The following SHANK2 variants were observed in gnomAD, a reference collection of about 807,000 sequenced individuals.
The protein encoded by SHANK2 is SH3 and multiple ankyrin repeat domains protein 2.
SHANK2 carries 43 observed loss-of-function variants against 133.7 expected under a neutral mutation model. That is an observed-to-expected ratio of 0.32 (90% CI 0.25 to 0.41). The LOEUF (loss-of-function observed/expected upper bound fraction) is 0.41. SHANK2 is among the 10% of genes least tolerant of loss of function. The probability of loss-of-function intolerance (pLI) is 1.00; values close to 1 mark genes in which losing one functional copy is unlikely to be tolerated. For synonymous variants in SHANK2, 1,017 were observed against 952.8 expected (o/e 1.07, Z -1.24); for missense variants, 1,994 against 2,235.8 (o/e 0.89, Z 2.18).
At chr11:70,506,596 G>A (rs1554968440) in intron 17 of SHANK2, among the ~76,000 whole-genome samples, 1 of 152,214 alleles carries the variant, frequency 6.6e-6, no homozygotes. Context: ...GTCTCGCCCA[G>A]GTCTTTCGGG....
intron 1 of SHANK2, among the ~76,000 whole-genome samples, chr11:71,237,047 T>A (rs1249905456): frequency 1.3e-5 from 2 of 152,194 alleles, no homozygotes; most frequent in Non-Finnish European, 2.9e-5. Context: ...TTGGGAAGTC[T>A]TCTCCCACAG....
chr11:70,574,974 C>A (rs2060097238), intron 17 of SHANK2, among the ~76,000 whole-genome samples: 1 of 152,188 alleles, frequency 6.6e-6, no homozygotes, highest in Admixed American at 6.5e-5. Flanking sequence ...ATCTGTCCTT[C>A]AGGCCCTGCC....
chr11:70,528,751 G>T (rs1350838311), intron 17 of SHANK2, among the ~76,000 whole-genome samples: 9 of 151,906 alleles, frequency 5.9e-5, no homozygotes, highest in African/African-American at 2.2e-4. Flanking sequence ...CGGCATCCGT[G>T]GGGGAGATCA....
At chr11:70,659,801 G>C (rs782372927) in intron 17 of SHANK2, 27 bp downstream of exon 17, 42 of 1,613,876 alleles carry the variant, frequency 2.6e-5, no homozygotes, top group Non-Finnish European at 3.4e-5. Context: ...TCCCCAAGCA[G>C]AAAGATACAG....
At chr11:70,948,659 CA>C (rs1179507574) in intron 10 of SHANK2, among the ~76,000 whole-genome samples, 2 of 152,200 alleles carry the variant, frequency 1.3e-5, no homozygotes, top group East Asian at 1.9e-4. Context: ...GGAGGTGGAC[CA>C]GGGGCGGGCT....
At chr11:71,168,572 C>T (rs1394351682) in intron 2 of SHANK2, among the ~76,000 whole-genome samples, 2 of 152,128 alleles carry the variant, frequency 1.3e-5, no homozygotes, top group Non-Finnish European at 2.9e-5. Flanking sequence ...TCTGCAATCC[C>T]GGCACTTCAG....
At chr11:70,883,464 T>C (rs1331548132) in intron 11 of SHANK2, among the ~76,000 whole-genome samples, 4 of 152,170 alleles carry the variant, frequency 2.6e-5, no homozygotes, top group African/African-American at 9.7e-5. Flanking sequence ...CTGGTCCACC[T>C]GACCCCTGGA....
intron 14 of SHANK2, among the ~76,000 whole-genome samples, chr11:70,769,349 G>A (rs1369186509): frequency 1.3e-5 from 2 of 152,156 alleles, no homozygotes; most frequent in African/African-American, 2.4e-5. Context: ...TAAATGATGC[G>A]GTCACCCTGG....
chr11:70,889,622 C>G (rs1162782257), intron 11 of SHANK2, among the ~76,000 whole-genome samples: 2 of 152,190 alleles, frequency 1.3e-5, no homozygotes, highest in African/African-American at 4.8e-5. Context: ...AACCCTCGAC[C>G]ACTGAGTCAG....
chr11:70,677,446 G>A (rs182412372), intron 15 of SHANK2, among the ~76,000 whole-genome samples: 91 of 152,260 alleles, frequency 6.0e-4, no homozygotes, highest in African/African-American at 2.1e-3. Context: ...AGCCTCGCTC[G>A]AATGAAACCC....
chr11:70,621,851 G>A (rs1423423314), intron 17 of SHANK2, among the ~76,000 whole-genome samples: 1 of 152,144 alleles, frequency 6.6e-6, no homozygotes, highest in Non-Finnish European at 1.5e-5. Flanking sequence ...TAATGGCAGA[G>A]GTGATCAAGT....
intron 6 of SHANK2, among the ~76,000 whole-genome samples, chr11:71,106,782 C>G (rs1457505764): frequency 6.7e-6 from 1 of 150,306 alleles, no homozygotes; most frequent in Non-Finnish European, 1.5e-5. Flanking sequence ...TCCTGCCAGC[C>G]TGGGTGACAC....
chr11:70,720,005 G>A (rs1946040518), intron 14 of SHANK2, among the ~76,000 whole-genome samples: 1 of 152,106 alleles, frequency 6.6e-6, no homozygotes, highest in African/African-American at 2.4e-5. Flanking sequence ...GGTGACCCCA[G>A]GCAGGTTCCT....
In SHANK2 at chr11:71,222,842, G is replaced by A. The variant is rs567959580; in HGVS notation, c.-13+1855C>T. ...CATATGCATCCTTGTGACACCTTTC[G>A]AGGAGGAACTGTGTACTGGGCCAGT... On this transcript the variant is annotated intron_variant, in intron 2 of 25. Coordinates refer to ENST00000601538, the MANE Select transcript of SHANK2 (RefSeq NM_012309.5). 5.1e-4 allele frequency among the ~76,000 whole-genome samples: 77 copies of A among 152,228 alleles called. 1 individual carries two copies. Among genetic ancestry groups the A allele is most frequent in the Admixed American group, 4.4e-3 (67 of 15,286 alleles).
At chr11:70,622,708 G>T (rs782098421) in intron 17 of SHANK2, among the ~76,000 whole-genome samples, 1 of 152,148 alleles carries the variant, frequency 6.6e-6, no homozygotes, top group Admixed American at 6.5e-5. Flanking sequence ...GGACATCTGC[G>T]AAGACCGTGT....
In SHANK2 at chr11:70,487,085, C is replaced by T. The variant is rs1555154146; in HGVS notation, c.3208G>A (p.Glu1070Lys). ...AAGGGGCTGCTGACGGTCAGGCTTTCGTCAGGCCGCAGCTGGCTCGGTGGC... is the reference window on the plus strand; with the variant it reads ...AAGGGGCTGCTGACGGTCAGGCTTTTGTCAGGCCGCAGCTGGCTCGGTGGC... ...PEPPSQLRPD[E>K]SLTVSSPFAA... is the part of the protein sequence containing the mutation. The change falls in exon 25 of 26, where the codon GAA becomes AAA. Residue 1070 changes from glutamate to lysine, a missense_variant. Physicochemically the swap from Glu to Lys is moderately conservative, Grantham distance 56. This residue lies in a region of SHANK2 where 488 missense variants were observed against 642.6 expected (regional missense o/e 0.76). Transcript: ENST00000601538. This position sits in a 1 kb window ranked among gnomAD's most constrained non-coding sequence, Gnocchi z 5.8. 13 of 1,610,194 alleles carry T rather than the reference C, an allele frequency of 8.1e-6. No homozygotes were observed. Among genetic ancestry groups the T allele is most frequent in the South Asian group, 1.1e-5 (1 of 91,050 alleles).
chr11:70,528,150 G>A (rs781804113), intron 17 of SHANK2, among the ~76,000 whole-genome samples: 1 of 152,258 alleles, frequency 6.6e-6, no homozygotes, highest in Non-Finnish European at 1.5e-5. Context: ...ACCTCGGCGT[G>A]ATGCTGCCAG....
intron 17 of SHANK2, among the ~76,000 whole-genome samples, chr11:70,576,985 C>T (rs1554984408): frequency 6.6e-6 from 1 of 152,156 alleles, no homozygotes; most frequent in Non-Finnish European, 1.5e-5. Context: ...GAAGGGGTGG[C>T]CAGGACACTG....
intron 2 of SHANK2, among the ~76,000 whole-genome samples, chr11:71,198,508 G>A (rs1953955050): frequency 6.6e-6 from 1 of 152,190 alleles, no homozygotes; most frequent in Non-Finnish European, 1.5e-5. Context: ...CAGGAAACAG[G>A]CCTTCTCTTC....
Sources: allele counts gnomAD v4.1 joint callset (sites outside exome capture counted in the v4.1 genomes callset), GRCh38; gene constraint gnomAD v4.1.1; regional missense constraint gnomAD v4.1.1; non-coding constraint Gnocchi (gnomAD v3.1); transcripts MANE v1.5; gene names NCBI Gene and HGNC (gene_info 2026-07-23, HGNC 2026-07-21).